The following RCAN1 variants were observed in gnomAD, a reference collection of about 807,000 sequenced individuals.
RCAN1 encodes calcipressin-1.
RCAN1 carries 11 observed loss-of-function variants against 22.9 expected under a neutral mutation model. The ratio of observed to expected loss-of-function variants is 0.48; its 90% CI spans 0.30 to 0.79. The LOEUF (loss-of-function observed/expected upper bound fraction) is 0.79. Ranked by LOEUF, RCAN1 falls within the 30% of genes least tolerant of loss-of-function variation. The pLI is 0.06. For missense variants in RCAN1, 291 were observed against 337.8 expected (o/e 0.86, Z 1.09); for synonymous variants, 136 against 142.3 (o/e 0.96, Z 0.32).
chr21:34,606,880 G>A (rs910843035), intron 1 of RCAN1, among the ~76,000 whole-genome samples: 1 of 152,144 alleles, frequency 6.6e-6, no homozygotes, highest in Non-Finnish European at 1.5e-5. Context: ...CAGAACTGTG[G>A]GAAATACATG....
At chr21:34,564,207 G>C (rs551000919) in intron 1 of RCAN1, among the ~76,000 whole-genome samples, 56 of 152,240 alleles carry the variant, frequency 3.7e-4, no homozygotes, top group African/African-American at 1.3e-3. Flanking sequence ...CCGTCCCCAC[G>C]ATCTGACCAC....
intron 1 of RCAN1, among the ~76,000 whole-genome samples, chr21:34,566,743 G>C (rs1292878821): frequency 6.6e-6 from 1 of 152,192 alleles, no homozygotes; most frequent in Non-Finnish European, 1.5e-5. Context: ...GCACGCACCA[G>C]CTCTGCTCGG....
At chr21:34,610,913 T>A (rs80267524) in intron 1 of RCAN1, among the ~76,000 whole-genome samples, 1 of 152,350 alleles carries the variant, frequency 6.6e-6, no homozygotes, top group African/African-American at 2.4e-5. Context: ...TTTTGTTTTT[T>A]TTAGGTAAGT....
chr21:34,571,794 C>T (rs571408376), intron 1 of RCAN1, among the ~76,000 whole-genome samples: 2 of 152,286 alleles, frequency 1.3e-5, no homozygotes, highest in Admixed American at 1.3e-4. Context: ...GCAACCCTCT[C>T]GCCTCGGCCT....
At chr21:34,526,961 A>G (rs997731401) in intron 1 of RCAN1, 4 of 1,364,068 alleles carry the variant, frequency 2.9e-6, no homozygotes, top group Non-Finnish European at 3.7e-6. Context: ...TTGCAGGCAG[A>G]CAGGGACAAA....
chr21:34,611,027 A>T (rs1988673747), intron 1 of RCAN1, among the ~76,000 whole-genome samples: 1 of 152,224 alleles, frequency 6.6e-6, no homozygotes, highest in African/African-American at 2.4e-5. Context: ...AACTGAAAAA[A>T]GGGTATTTGT....
chr21:34,590,342 C>T (rs191887834), intron 1 of RCAN1, among the ~76,000 whole-genome samples: 3 of 152,236 alleles, frequency 2.0e-5, no homozygotes, highest in Non-Finnish European at 2.9e-5. Context: ...AAAGATATTG[C>T]TTTGTTTTCC....
chr21:34,557,469 G>T (rs1986624264), intron 1 of RCAN1, among the ~76,000 whole-genome samples: 1 of 152,160 alleles, frequency 6.6e-6, no homozygotes, highest in South Asian at 2.1e-4. Flanking sequence ...TCAAGTCGGG[G>T]AATGAGTCAA....
chr21:34,538,717 C>G (rs983457875), intron 1 of RCAN1, among the ~76,000 whole-genome samples: 1 of 152,084 alleles, frequency 6.6e-6, no homozygotes, highest in African/African-American at 2.4e-5. Flanking sequence ...GCCTTGATAC[C>G]CCCACGTTGG....
chr21:34,603,196 T>C (rs1988410973), intron 1 of RCAN1, among the ~76,000 whole-genome samples: 1 of 152,234 alleles, frequency 6.6e-6, no homozygotes, highest in Non-Finnish European at 1.5e-5. Context: ...CAAGCTCCAC[T>C]GCAGCACACA....
intron 1 of RCAN1, among the ~76,000 whole-genome samples, chr21:34,555,689 A>C (rs1335093719): frequency 6.6e-6 from 1 of 152,038 alleles, no homozygotes; most frequent in Non-Finnish European, 1.5e-5. Context: ...TGAGGAGCTG[A>C]ATATAGGGAG....
rs761183824 is a variant in RCAN1, at chr21:34,518,062, T to C, written c.*22A>G. ...TTCCTCCCGTGAGTATGATTTGGAATGCGTCCTCGTCGCGTGCCAGTTCAG... is the reference window on the plus strand; with the variant it reads ...TTCCTCCCGTGAGTATGATTTGGAACGCGTCCTCGTCGCGTGCCAGTTCAG... On this transcript the variant is annotated 3_prime_UTR_variant, in exon 4 of 4. Coordinates refer to ENST00000313806, the MANE Select transcript of RCAN1 (RefSeq NM_004414.7). The surrounding 1 kb of genome is among the most constrained non-coding windows in gnomAD (Gnocchi z 4.2). The C allele has an allele frequency of 8.7e-6, 14 of 1,613,084 alleles. No individual in the cohort carries two copies. Among genetic ancestry groups the C allele is most frequent in the Non-Finnish European group, 1.2e-5 (14 of 1,179,466 alleles).
intron 1 of RCAN1, chr21:34,526,763 A>G: frequency 6.2e-7 from 1 of 1,607,694 alleles, no homozygotes; most frequent in Non-Finnish European, 8.5e-7. Flanking sequence ...GCTTTCTTAC[A>G]GTGAAAGCGC....
Position 34,588,974 on chromosome 21 carries a change from C to G in RCAN1, c.252+25786G>C, listed in dbSNP as rs1987886560. Among the ~76,000 whole-genome samples, 3 of 152,090 alleles carry G rather than the reference C, an allele frequency of 2.0e-5. No individual in the cohort carries two copies. The South Asian group carries it at 6.2e-4, about 32-fold the overall frequency. On this transcript the variant is annotated intron_variant, in intron 1 of 3. Coordinates refer to ENST00000313806, the MANE Select transcript of RCAN1 (RefSeq NM_004414.7). ...CCTAAAGTAGTCAAATTCATAGACA[C>G]AGAAAGTAGAATGGTGGTTGCCAGG...
chr21:34,560,515 G>A lies in RCAN1; in HGVS notation c.253-36805C>T, dbSNP rs543460546. 2.1e-3 allele frequency among the ~76,000 whole-genome samples: 322 copies of A among 152,308 alleles called. 1 individual carries two copies. Among genetic ancestry groups the A allele is most frequent in the Non-Finnish European group, 3.3e-3 (227 of 68,004 alleles). ...CCATACTGATACTTATTTTAAGATT[G>A]TTGATTTTTGTGGGACATCCATTTC... is the stretch of plus-strand genomic sequence containing the variant. On this transcript the variant is annotated intron_variant, in intron 1 of 3. Transcript: ENST00000313806.
chr21:34,546,866 C>G (rs1297516445), intron 1 of RCAN1, among the ~76,000 whole-genome samples: 1 of 152,150 alleles, frequency 6.6e-6, no homozygotes. Context: ...TAGCTTGACC[C>G]ATTATTATGT....
chr21:34,538,712 G>C (rs1265187996), intron 1 of RCAN1, among the ~76,000 whole-genome samples: 4 of 152,162 alleles, frequency 2.6e-5, no homozygotes, highest in African/African-American at 9.7e-5. Context: ...ACCGGGCCTT[G>C]ATACCCCCAC....
At chr21:34,575,853 G>A (rs1987398144) in intron 1 of RCAN1, among the ~76,000 whole-genome samples, 1 of 152,150 alleles carries the variant, frequency 6.6e-6, no homozygotes, top group Non-Finnish European at 1.5e-5. Context: ...ACCCCAAAAG[G>A]TGTCATTTAA....
intron 1 of RCAN1, among the ~76,000 whole-genome samples, chr21:34,583,858 G>A (rs927883714): frequency 6.6e-6 from 1 of 152,000 alleles, no homozygotes; most frequent in Admixed American, 6.6e-5. Context: ...AGACCTGAAG[G>A]CTGACCACTG....
Sources: gnomAD v4.1 joint callset for allele counts (sites outside exome capture counted in the v4.1 genomes callset) on GRCh38, gnomAD v4.1.1 for gene constraint, Gnocchi (gnomAD v3.1) non-coding constraint, MANE v1.5 for transcripts, NCBI Gene and HGNC (gene_info 2026-07-23, HGNC 2026-07-21) for gene names.